The following PPP4R3A variants were observed in gnomAD, a reference collection of about 807,000 sequenced individuals.
PPP4R3A encodes the protein protein phosphatase 4 regulatory subunit 3A, also known as serine/threonine-protein phosphatase 4 regulatory subunit 3A.
In PPP4R3A, 15 loss-of-function variants were observed where a neutral mutation model predicts 91.7. The observed-to-expected ratio is 0.16, with a 90% CI of 0.11 to 0.25. PPP4R3A has a LOEUF of 0.25. Among genes scored for constraint, PPP4R3A ranks in the 10% least tolerant of loss-of-function variants. The probability of loss-of-function intolerance (pLI) is 1.00; values close to 1 mark genes in which losing one functional copy is unlikely to be tolerated. For missense variants in PPP4R3A, 623 were observed against 998.4 expected, an observed-to-expected ratio of 0.62 and a Z score of 5.07; for synonymous variants, 377 against 348.7, an observed-to-expected ratio of 1.08 and a Z score of -0.91.
chr14:91,505,939 A>G (rs1463021050), intron 1 of PPP4R3A, among the ~76,000 whole-genome samples: 4 of 145,588 alleles, frequency 2.7e-5, no homozygotes, highest in African/African-American at 5.1e-5. Context: ...TAGATAAACT[A>G]TAATTGAAAT....
intron 1 of PPP4R3A, among the ~76,000 whole-genome samples, chr14:91,494,170 T>C (rs1458111561): frequency 1.3e-5 from 2 of 152,082 alleles, no homozygotes; most frequent in African/African-American, 4.8e-5. Context: ...AAAAGTAAAA[T>C]AGAGTGAAAG....
At chr14:91,463,280 G>T (rs1012547182) in intron 11 of PPP4R3A, among the ~76,000 whole-genome samples, 1 of 152,066 alleles carries the variant, frequency 6.6e-6, no homozygotes, top group East Asian at 1.9e-4. Context: ...GGTCAGGCTG[G>T]TCTCGAACTC....
intron 9 of PPP4R3A, among the ~76,000 whole-genome samples, chr14:91,472,284 C>CTG (rs1888895594): frequency 6.6e-6 from 1 of 151,996 alleles, no homozygotes; most frequent in African/African-American, 2.4e-5. Flanking sequence ...AATCCTAGCT[C>CTG]TGTCTATACA....
intron 2 of PPP4R3A, 53 bp downstream of exon 2, chr14:91,490,694 T>C: frequency 7.0e-7 from 1 of 1,430,478 alleles, no homozygotes; most frequent in South Asian, 1.2e-5. Context: ...TAATAAACTT[T>C]CATTTACTCA....
chr14:91,496,246 A>C (rs973027687), intron 1 of PPP4R3A, among the ~76,000 whole-genome samples: 1 of 152,180 alleles, frequency 6.6e-6, no homozygotes, highest in Non-Finnish European at 1.5e-5. Context: ...ATTTTTTGAA[A>C]ATTCATCAAA....
intron 9 of PPP4R3A, among the ~76,000 whole-genome samples, chr14:91,471,583 A>G (rs1180224187): frequency 6.6e-6 from 1 of 152,186 alleles, no homozygotes; most frequent in Non-Finnish European, 1.5e-5. Context: ...CAAAATCACA[A>G]TGAGTTCTCA....
At chr14:91,470,804 T>C (rs759745783) in intron 10 of PPP4R3A, 33 bp downstream of exon 10, 18 of 1,590,166 alleles carry the variant, frequency 1.1e-5, no homozygotes, top group Middle Eastern at 1.7e-4. Context: ...AACATGTCAA[T>C]ATACAAAGAT....
At chr14:91,483,123 G>C (rs1208655305) in intron 3 of PPP4R3A, among the ~76,000 whole-genome samples, 1 of 151,888 alleles carries the variant, frequency 6.6e-6, no homozygotes, top group Admixed American at 6.6e-5. Flanking sequence ...ATTTTTTTTG[G>C]TAACAAAAGG....
chr14:91,482,225 A>T (rs780384031), intron 3 of PPP4R3A, 32 bp from the exon 4 acceptor site: 1 of 1,552,214 alleles, frequency 6.4e-7, no homozygotes, highest in South Asian at 1.2e-5. Flanking sequence ...CTGACAAAAT[A>T]GATAACAGGT....
intron 7 of PPP4R3A, 44 bp from the exon 8 acceptor site, chr14:91,473,414 G>A: frequency 2.5e-6 from 4 of 1,572,348 alleles, no homozygotes; most frequent in Non-Finnish European, 2.6e-6. Context: ...TATTATGAGA[G>A]AACGGAAAAA....
chr14:91,506,696 C>A (rs1318028925), intron 1 of PPP4R3A, among the ~76,000 whole-genome samples: 1 of 152,100 alleles, frequency 6.6e-6, no homozygotes, highest in Admixed American at 6.5e-5. Context: ...GACTACAGGC[C>A]CGTGCCACCG....
At chr14:91,507,655 A>T (rs1462203727) in intron 1 of PPP4R3A, among the ~76,000 whole-genome samples, 6 of 43,860 alleles carry the variant, frequency 1.4e-4, no homozygotes, top group Admixed American at 2.6e-4. Context: ...ATACACGGAA[A>T]AAAATTGCTT....
intron 11 of PPP4R3A, 85 bp downstream of exon 11, chr14:91,465,165 A>G (rs554851483): frequency 9.4e-7 from 1 of 1,061,838 alleles, no homozygotes; most frequent in Admixed American, 3.2e-5. Context: ...AAATATTATC[A>G]TCTCAAGCCA....
Position 91,481,771 on chromosome 14 carries a change from T to G in PPP4R3A, c.720A>C (p.Leu240=). 1 of 1,613,776 alleles carries G rather than the reference T, an allele frequency of 6.2e-7. No homozygotes were observed. Among genetic ancestry groups the G allele is most frequent in the Non-Finnish European group, 8.5e-7 (1 of 1,179,946 alleles). ...CTTCTTTAAACTTGGCTGTTTTTGT[T>G]AGAAATTCCCTGTGTTTTCGTGGTT... ...LSQPRKHREF[L]TKTAKFKEVI... Residue 240 remains leucine, a synonymous_variant, in exon 4 of 15, where the codon CTA becomes CTC. Coordinates refer to ENST00000554943, the MANE Select transcript of PPP4R3A (RefSeq NM_001366432.2).
chr14:91,467,967 A>C (rs1157345767), intron 10 of PPP4R3A, among the ~76,000 whole-genome samples: 1 of 152,188 alleles, frequency 6.6e-6, no homozygotes, highest in Non-Finnish European at 1.5e-5. Flanking sequence ...AAGTATCTTA[A>C]ATTTCCTCAA....
chr14:91,486,164 C>T (rs542714592), intron 2 of PPP4R3A, among the ~76,000 whole-genome samples: 1 of 152,234 alleles, frequency 6.6e-6, no homozygotes, highest in African/African-American at 2.4e-5. Flanking sequence ...GTGTTTTTCA[C>T]CAGGGGCCTC....
At chr14:91,485,781 G>A (rs745688803) in intron 2 of PPP4R3A, 51 bp from the exon 3 acceptor site, 14 of 1,220,902 alleles carry the variant, frequency 1.1e-5, no homozygotes, top group East Asian at 2.4e-5. Context: ...TATCACAAAC[G>A]AAAATGAACA....
chr14:91,497,709 T>C (rs1279142387), intron 1 of PPP4R3A, among the ~76,000 whole-genome samples: 1 of 152,224 alleles, frequency 6.6e-6, no homozygotes, highest in Admixed American at 6.5e-5. Flanking sequence ...CCTACCCAAC[T>C]TTTAAACACA....
chr14:91,509,457 C>T, intron 1 of PPP4R3A, 49 bp downstream of exon 1: 4 of 1,544,174 alleles, frequency 2.6e-6, no homozygotes, highest in East Asian at 4.8e-5. Context: ...GGGAGGCGGC[C>T]CAGGGCCGTG....
Sources: allele counts gnomAD v4.1 joint callset (sites outside exome capture counted in the v4.1 genomes callset), GRCh38; gene constraint gnomAD v4.1.1; transcripts MANE v1.5; gene names NCBI Gene and HGNC (gene_info 2026-07-23, HGNC 2026-07-21).